UBTD1: variants seen among roughly 807,000 people sequenced by gnomAD.
UBTD1 encodes ubiquitin domain-containing protein 1.
In UBTD1, 19 loss-of-function variants were observed where a neutral mutation model predicts 21.7. The ratio of observed to expected loss-of-function variants is 0.87; its 90% CI spans 0.61 to 1.28. The LOEUF (loss-of-function observed/expected upper bound fraction) is 1.28, where lower values mean the gene tolerates loss of function less well. UBTD1 is among the 50% of genes most tolerant of loss of function. The pLI, the probability that UBTD1 is intolerant of heterozygous loss-of-function variation, is 0.00. For missense variants in UBTD1, 282 were observed against 315.1 expected (o/e 0.89, Z 0.80); for synonymous variants, 116 against 135.1 (o/e 0.86, Z 0.98).
chr10:97,554,447 A>G (rs953453715), intron 1 of UBTD1, among the ~76,000 whole-genome samples: 3 of 151,850 alleles, frequency 2.0e-5, no homozygotes, highest in African/African-American at 7.3e-5. Flanking sequence ...GTGTTTTTCC[A>G]TGTTGACCAG....
intron 1 of UBTD1, among the ~76,000 whole-genome samples, chr10:97,564,167 T>C (rs1283492505): frequency 6.6e-6 from 1 of 152,148 alleles, no homozygotes; most frequent in Non-Finnish European, 1.5e-5. Context: ...GCTGGGAATC[T>C]GAAGTAGGCA....
intron 1 of UBTD1, among the ~76,000 whole-genome samples, chr10:97,556,577 T>C (rs1305444013): frequency 2.0e-5 from 3 of 152,252 alleles, no homozygotes; most frequent in Non-Finnish European, 4.4e-5. Context: ...TAGTATTATA[T>C]GATTTTTTCA....
chr10:97,541,228 G>A (rs896637061), intron 1 of UBTD1, among the ~76,000 whole-genome samples: 1 of 152,170 alleles, frequency 6.6e-6, no homozygotes, highest in African/African-American at 2.4e-5. Flanking sequence ...TGTAATCCTA[G>A]CAATTCGGGA....
rs377589762 is a variant in UBTD1 at position 97,508,044 on chromosome 10, T to G, written c.70+8771T>G. ...TCAGAGAGATGTAATTAGCAGCAGC[T>G]CACCTTTGCAGGGTGTTTGCCATGT... On this transcript the variant is annotated intron_variant, in intron 1 of 2. Coordinates refer to ENST00000370664, the MANE Select transcript of UBTD1 (RefSeq NM_024954.5). Among the ~76,000 whole-genome samples, 17 of 152,216 alleles carry G rather than the reference T, an allele frequency of 1.1e-4. 1 individual carries two copies. Among genetic ancestry groups the G allele is most frequent in the Admixed American group, 1.0e-3 (16 of 15,286 alleles).
chr10:97,547,594 T>C (rs1313589248), intron 1 of UBTD1, among the ~76,000 whole-genome samples: 1 of 152,180 alleles, frequency 6.6e-6, no homozygotes, highest in Non-Finnish European at 1.5e-5. Context: ...AAACAGAGTC[T>C]TGCTCTGTTG....
intron 1 of UBTD1, among the ~76,000 whole-genome samples, chr10:97,522,262 C>T (rs892704953): frequency 2.0e-5 from 3 of 152,210 alleles, no homozygotes; most frequent in East Asian, 1.9e-4. Context: ...TTTCTTTGGG[C>T]GAGGCTAGCT....
intron 1 of UBTD1, among the ~76,000 whole-genome samples, chr10:97,532,870 ATGT>A (rs567431780): frequency 2.4e-3 from 363 of 152,138 alleles, no homozygotes; most frequent in Middle Eastern, 0.024. Flanking sequence ...TCACTTTCTA[ATGT>A]TGTGCTCTTA....
Position 97,531,215 on chromosome 10 carries a change from CTT to C in UBTD1, c.70+31956_70+31957del, listed in dbSNP as rs11310713. ...TTTTTTTAAATTTAACATATGCCAT[CTT>C]TTTTTTTTTTTTTGAGATGGAGTCT... On this transcript the variant is annotated intron_variant, in intron 1 of 2. Transcript: ENST00000370664. Among the ~76,000 whole-genome samples the C allele has an allele frequency of 3.2e-3, 422 of 133,434 alleles. 1 individual carries two copies. The highest frequency in any genetic ancestry group is 6.7e-3 in the African/African-American group (242 of 36,008). The allele number at this position is 133,434 out of a possible 152,430, so 87.5% of individuals were successfully genotyped here. A position where few individuals can be genotyped will look rare whatever the true frequency, so the allele number is the denominator to read the frequency against.
chr10:97,512,674 T>C (rs1472985997), intron 1 of UBTD1, among the ~76,000 whole-genome samples: 1 of 152,390 alleles, frequency 6.6e-6, no homozygotes, highest in East Asian at 1.9e-4. Context: ...TGAGCCTAGC[T>C]GTGTCCTGCT....
chr10:97,563,248 G>C (rs925684233), intron 1 of UBTD1, among the ~76,000 whole-genome samples: 1 of 152,202 alleles, frequency 6.6e-6, no homozygotes, highest in Admixed American at 6.5e-5. Context: ...GTAATTATTT[G>C]CTTGGTTGGC....
intron 1 of UBTD1, among the ~76,000 whole-genome samples, chr10:97,551,755 C>G (rs2040638450): frequency 6.6e-6 from 1 of 152,286 alleles, no homozygotes; most frequent in South Asian, 2.1e-4. Flanking sequence ...TCCAAGTATC[C>G]TCTTTCCTTA....
intron 1 of UBTD1, among the ~76,000 whole-genome samples, chr10:97,529,636 T>C (rs1207831239): frequency 2.7e-5 from 4 of 150,882 alleles, no homozygotes; most frequent in Non-Finnish European, 5.9e-5. Flanking sequence ...GTGCAGGCAC[T>C]CGGCAGGCTG....
intron 1 of UBTD1, among the ~76,000 whole-genome samples, chr10:97,546,119 A>G (rs1024856877): frequency 4.6e-5 from 7 of 152,166 alleles, no homozygotes; most frequent in Admixed American, 3.3e-4. Context: ...TTCATCCAAC[A>G]GTGGAATAGG....
At chr10:97,532,829 T>C (rs1031013523) in intron 1 of UBTD1, among the ~76,000 whole-genome samples, 1 of 151,654 alleles carries the variant, frequency 6.6e-6, no homozygotes, top group Non-Finnish European at 1.5e-5. Context: ...AAAGCCTTGT[T>C]GGTCTTTGGT....
chr10:97,559,170 T>C (rs772273505), intron 1 of UBTD1, among the ~76,000 whole-genome samples: 9 of 152,226 alleles, frequency 5.9e-5, no homozygotes, highest in Non-Finnish European at 1.2e-4. Context: ...CCTCGGGGGC[T>C]GACCCACAGG....
intron 1 of UBTD1, among the ~76,000 whole-genome samples, chr10:97,558,893 T>C (rs530075151): frequency 6.6e-6 from 1 of 152,296 alleles, no homozygotes; most frequent in African/African-American, 2.4e-5. Flanking sequence ...TTTCTTCCTC[T>C]GGTTGATGAA....
At chr10:97,547,829 G>T (rs1224608041) in intron 1 of UBTD1, among the ~76,000 whole-genome samples, 1 of 152,012 alleles carries the variant, frequency 6.6e-6, no homozygotes, top group Non-Finnish European at 1.5e-5. Flanking sequence ...CCTCCCAAGT[G>T]CTGGGATCAC....
intron 1 of UBTD1, among the ~76,000 whole-genome samples, chr10:97,516,760 GACTC>G (rs2135661492): frequency 6.6e-6 from 1 of 151,832 alleles, no homozygotes; most frequent in East Asian, 1.9e-4. Flanking sequence ...AACAGAGTGA[GACTC>G]TGTCTCAAAA....
At chr10:97,526,854 CAAAA>C (rs35330483) in intron 1 of UBTD1, among the ~76,000 whole-genome samples, 17 of 63,300 alleles carry the variant, frequency 2.7e-4, no homozygotes, top group African/African-American at 1.1e-3. Context: ...GACTCCGTCT[CAAAA>C]AAAAAAAAAA....
Sources: allele counts gnomAD v4.1 joint callset (sites outside exome capture counted in the v4.1 genomes callset), GRCh38; gene constraint gnomAD v4.1.1; transcripts MANE v1.5; gene names NCBI Gene and HGNC (gene_info 2026-07-23, HGNC 2026-07-21).